The following SCGB2B2 variants were observed in gnomAD, a reference collection of about 807,000 sequenced individuals.
SCGB2B2 encodes secretoglobin-like protein.
Under a neutral mutation model 7.6 loss-of-function variants are expected in SCGB2B2, and 11 were observed. The ratio of observed to expected loss-of-function variants is 1.45; its 90% confidence interval spans 0.91 to 2.40. The LOEUF (loss-of-function observed/expected upper bound fraction) is 2.40. Among genes scored for constraint, SCGB2B2 ranks in the 30% most tolerant of loss-of-function variants. The probability of loss-of-function intolerance (pLI) is 0.00; values close to 1 mark genes in which losing one functional copy is unlikely to be tolerated. For synonymous variants in SCGB2B2, 50 were observed against 48.6 expected, an observed-to-expected ratio of 1.03 and a Z score of -0.12; for missense variants, 104 against 115.4, an observed-to-expected ratio of 0.90 and a Z score of 0.45.
At chr19:34,642,139 T>C (rs2066860749) in intron 1 of SCGB2B2, among the ~76,000 whole-genome samples, 1 of 152,212 alleles carries the variant, frequency 6.6e-6, no homozygotes. Flanking sequence ...AGCCTCTCTT[T>C]CTGTGCAATT....
chr19:34,634,951 C>G (rs985514563), intron 1 of SCGB2B2: 14 of 278,576 alleles, frequency 5.0e-5, no homozygotes, highest in Admixed American at 4.6e-4. Flanking sequence ...AGTGTGAACT[C>G]TCTGATGTGC....
In SCGB2B2 at chr19:34,594,318, CA is replaced by C; in HGVS notation, c.102del (p.Val35CysfsTer9). ...CLDIDKLLAN[V>X]VFDVSQDLLK... ...AGGAGGTCTTGGGACACATCAAACA[CA>C]ACATTCGCAAGCAGTTTATCGATAT... On this transcript the variant is annotated frameshift_variant, in exon 3 of 4. Coordinates refer to ENST00000601241, the MANE Select transcript of SCGB2B2 (RefSeq NM_001025591.4). LOFTEE classifies it high-confidence loss of function. 6.2e-7 allele frequency: 1 copy of C among 1,614,152 alleles called. No individual in the cohort carries two copies. Among genetic ancestry groups the C allele is most frequent in the Non-Finnish European group, 8.5e-7 (1 of 1,180,018 alleles).
At chr19:34,609,077 T>C (rs542564128) in intron 1 of SCGB2B2, among the ~76,000 whole-genome samples, 4 of 152,162 alleles carry the variant, frequency 2.6e-5, no homozygotes, top group East Asian at 1.9e-4. Context: ...ACTGGCGATG[T>C]TGACCATTTG....
intron 1 of SCGB2B2, among the ~76,000 whole-genome samples, chr19:34,661,800 T>G (rs1438097306): frequency 1.3e-5 from 2 of 151,846 alleles, no homozygotes; most frequent in Non-Finnish European, 2.9e-5. Context: ...ATTTGTAAAC[T>G]TTTTAAAAAC....
chr19:34,638,478 CAA>C (rs1301909702), intron 1 of SCGB2B2, among the ~76,000 whole-genome samples: 1 of 148,680 alleles, frequency 6.7e-6, no homozygotes, highest in African/African-American at 2.5e-5. Context: ...CATCCCCCCC[CAA>C]AAAAACAAAC....
At chr19:34,641,926 G>A (rs2066853183) in intron 1 of SCGB2B2, among the ~76,000 whole-genome samples, 1 of 152,140 alleles carries the variant, frequency 6.6e-6, no homozygotes, top group African/African-American at 2.4e-5. Flanking sequence ...AAATTTGAAT[G>A]CCATTTCTTC....
rs563611128 is a variant in SCGB2B2, at chr19:34,591,710, C to A, written c.*1845G>T. On this transcript the variant is annotated 3_prime_UTR_variant, in exon 4 of 4. Transcript: ENST00000601241. ...CACAACAAATCCTTTCTCATCATGC[C>A]GCATTCCCTGCCCCAGACCTTCACC... is the stretch of plus-strand genomic sequence containing the variant. Among the ~76,000 whole-genome samples the A allele has an allele frequency of 3.9e-5, 6 of 152,154 alleles. No homozygotes were observed. The highest frequency in any genetic ancestry group is 2.6e-4 in the Admixed American group (4 of 15,280).
intron 1 of SCGB2B2, chr19:34,645,517 CACACACAGACACACACAGACACAG>C (rs1233123006): frequency 1.2e-4 from 4 of 34,720 alleles, no homozygotes; most frequent in African/African-American, 6.5e-4. Context: ...GACACACAGA[CACACACAGACACACACAGACACAG>C]ACACACACAC....
chr19:34,655,078 G>A (rs928875456), intron 1 of SCGB2B2, among the ~76,000 whole-genome samples: 2 of 151,294 alleles, frequency 1.3e-5, no homozygotes, highest in Non-Finnish European at 2.9e-5. Flanking sequence ...TAGGACAAGA[G>A]TTTAATGAAT....
rs377047234 is a variant in SCGB2B2 at position 34,594,888 on chromosome 19, T to G, written c.-325A>C. The G allele has an allele frequency of 1.0e-5, 4 of 393,360 alleles. No homozygotes were observed. The highest frequency in any genetic ancestry group is 1.9e-5 in the Non-Finnish European group (4 of 207,194). 24.4% of individuals were successfully genotyped at this position (393,360 alleles called of 1,614,324 possible). On this transcript the variant is annotated 5_prime_UTR_variant, in exon 2 of 4. Transcript: ENST00000601241. ...GAACACTGGTGTAAGCCTGCAAGTC[T>G]GAGTGTGCATGCACATGTGACCCTG...
At chr19:34,636,910 C>T (rs1211469353) in intron 1 of SCGB2B2, among the ~76,000 whole-genome samples, 1 of 152,142 alleles carries the variant, frequency 6.6e-6, no homozygotes, top group Non-Finnish European at 1.5e-5. Flanking sequence ...AAGTGGACAA[C>T]TACCTGAGTC....
At chr19:34,653,119 C>G (rs2067202019) in intron 1 of SCGB2B2, among the ~76,000 whole-genome samples, 1 of 151,216 alleles carries the variant, frequency 6.6e-6, no homozygotes, top group Non-Finnish European at 1.5e-5. Context: ...AGGATGAATC[C>G]TATGTGTTCT....
chr19:34,665,092 CCACCGCT>C lies in SCGB2B2; in HGVS notation c.-2032+10531_-2032+10537del, dbSNP rs1279093886. ...GACCTGCCCTGGGCCCTGCTCTCTG[CCACCGCT>C]CACAGGACAAACCCAAACAATTGCT... On this transcript the variant is annotated intron_variant, in intron 1 of 3. Transcript: ENST00000601241. Among the ~76,000 whole-genome samples, 5 of 152,260 alleles carry C rather than the reference CCACCGCT, an allele frequency of 3.3e-5. No individual in the cohort carries two copies. In the East Asian group the frequency reaches 9.7e-4, roughly 30 times the overall value.
intron 1 of SCGB2B2, among the ~76,000 whole-genome samples, chr19:34,604,536 T>C (rs542550444): frequency 1.9e-4 from 29 of 152,322 alleles, no homozygotes; most frequent in Admixed American, 1.0e-3. Flanking sequence ...TCATCAATGA[T>C]TGTCATTTTA....
At chr19:34,652,807 A>G (rs774749154) in intron 1 of SCGB2B2, among the ~76,000 whole-genome samples, 24 of 151,458 alleles carry the variant, frequency 1.6e-4, no homozygotes, top group Admixed American at 1.0e-3. Flanking sequence ...AGGGTTCCTC[A>G]AAAACTAAAA....
At chr19:34,621,529 G>T (rs1294330867) in intron 1 of SCGB2B2, among the ~76,000 whole-genome samples, 2 of 148,924 alleles carry the variant, frequency 1.3e-5, no homozygotes, top group Non-Finnish European at 3.0e-5. Context: ...AAGACAAAGT[G>T]GAGAAAAGTA....
At position 34,594,337 on chromosome 19, in the gene SCGB2B2, A is replaced by T. The variant is rs977721975; in HGVS notation, c.84T>A (p.Asp28Glu). 11 of 1,614,012 alleles carry T rather than the reference A, an allele frequency of 6.8e-6. No homozygotes were observed. The Admixed American group carries it at 1.5e-4, about 22-fold the overall frequency. ...VQLGDACLDI[D>E]KLLANVVFDV... is the part of the protein sequence containing the mutation. ...CAAACACAACATTCGCAAGCAGTTT[A>T]TCGATATCCAGGCAGGCATCCCCTG... The change falls in exon 3 of 4, where the codon GAT becomes GAA. Residue 28 changes from aspartate (D) to glutamate (E), a missense_variant. Asp to Glu is a conservative substitution (Grantham distance 45). Transcript: ENST00000601241.
Position 34,634,576 on chromosome 19 carries a change from C to T in SCGB2B2, c.-2031-37982G>A, listed in dbSNP as rs115957493. ...CAAAGCTACTTTCAGAGCTTCTGTC[C>T]GGTGTCACCCACTATGTGGACCAAG... On this transcript the variant is annotated intron_variant, in intron 1 of 3. Transcript: ENST00000601241. Among the ~76,000 whole-genome samples, 654 of 152,270 alleles carry T rather than the reference C, an allele frequency of 4.3e-3. 3 individuals carry two copies. Among genetic ancestry groups the T allele is most frequent in the African/African-American group, 0.014 (584 of 41,556 alleles).
intron 1 of SCGB2B2, among the ~76,000 whole-genome samples, chr19:34,642,946 A>G (rs1348958367): frequency 6.6e-6 from 1 of 152,200 alleles, no homozygotes; most frequent in Non-Finnish European, 1.5e-5. Flanking sequence ...ATGAACTCTT[A>G]GATACTATTG....
Sources: allele counts gnomAD v4.1 joint callset (sites outside exome capture counted in the v4.1 genomes callset), GRCh38; gene constraint gnomAD v4.1.1; transcripts MANE v1.5; gene names NCBI Gene and HGNC (gene_info 2026-07-23, HGNC 2026-07-21).